The following DSE variants were observed in gnomAD, a reference collection of about 807,000 sequenced individuals.
DSE encodes the protein dermatan sulfate epimerase, also known as dermatan-sulfate epimerase.
Under a neutral mutation model 84.4 loss-of-function variants are expected in DSE, and 36 were observed. That is an observed-to-expected ratio of 0.43 (90% CI 0.33 to 0.56). The LOEUF is 0.56. Among genes scored for constraint, DSE ranks in the 20% least tolerant of loss-of-function variants. The pLI is 0.06. For synonymous variants in DSE, 410 were observed against 430.1 expected (o/e 0.95, Z 0.58); for missense variants, 862 against 1,169.6 (o/e 0.74, Z 3.84).
chr6:116,333,652 T>C (rs565041157), intron 2 of DSE, among the ~76,000 whole-genome samples: 1 of 152,184 alleles, frequency 6.6e-6, no homozygotes, highest in Non-Finnish European at 1.5e-5. Context: ...AGATTTTTAA[T>C]AAATCCATGA....
At chr6:116,258,233 C>A (rs1171480545) in intron 1 of DSE, among the ~76,000 whole-genome samples, 2 of 151,910 alleles carry the variant, frequency 1.3e-5, no homozygotes, top group Non-Finnish European at 2.9e-5. Context: ...CCAGGCTGGC[C>A]TCAAACTCCC....
At chr6:116,363,868 T>C (rs1779033042) in intron 2 of DSE, among the ~76,000 whole-genome samples, 1 of 152,220 alleles carries the variant, frequency 6.6e-6, no homozygotes, top group Non-Finnish European at 1.5e-5. Flanking sequence ...CTACATTTTT[T>C]CATAAATTGC....
At chr6:116,325,347 G>C (rs1053248007) in intron 2 of DSE, among the ~76,000 whole-genome samples, 1 of 152,166 alleles carries the variant, frequency 6.6e-6, no homozygotes, top group Non-Finnish European at 1.5e-5. Context: ...TGCACTCCAG[G>C]ATGAGTACTG....
At chr6:116,386,449 G>A (rs1331998436) in intron 1 of DSE, among the ~76,000 whole-genome samples, 3 of 152,220 alleles carry the variant, frequency 2.0e-5, no homozygotes, top group African/African-American at 7.2e-5. Flanking sequence ...TTAGCAAAGG[G>A]CAAAGGCACA....
At chr6:116,328,241 G>A (rs1042137097) in intron 2 of DSE, among the ~76,000 whole-genome samples, 1 of 152,310 alleles carries the variant, frequency 6.6e-6, no homozygotes, top group Admixed American at 6.5e-5. Context: ...ATTGTGAAAG[G>A]ATTCAATGCT....
intron 1 of DSE, among the ~76,000 whole-genome samples, chr6:116,257,877 C>CA (rs1400952115): frequency 6.6e-6 from 1 of 152,130 alleles, no homozygotes; most frequent in Non-Finnish European, 1.5e-5. Flanking sequence ...CAAAAACACT[C>CA]AGTCTATAGC....
At chr6:116,414,419 A>T (rs1450220025) in intron 2 of DSE, among the ~76,000 whole-genome samples, 2 of 150,538 alleles carry the variant, frequency 1.3e-5, no homozygotes, top group African/African-American at 2.4e-5. Flanking sequence ...GTGTTTGCTC[A>T]TTTTTTTTTT....
intron 3 of DSE, 149 bp downstream of exon 3, chr6:116,426,976 C>T (rs1287365220): frequency 1.9e-6 from 2 of 1,060,064 alleles, no homozygotes; most frequent in African/African-American, 3.2e-5. Flanking sequence ...CCTACAGTAT[C>T]ACTTAGTTAA....
At chr6:116,280,795 A>G (rs576109261) in intron 2 of DSE, among the ~76,000 whole-genome samples, 1 of 152,360 alleles carries the variant, frequency 6.6e-6, no homozygotes, top group African/African-American at 2.4e-5. Context: ...GGGGAGCCAC[A>G]TACCACCATT....
chr6:116,279,316 C>T (rs1213469093), intron 2 of DSE: 2 of 1,608,412 alleles, frequency 1.2e-6, no homozygotes, highest in South Asian at 1.1e-5. Context: ...CACCTCAGCG[C>T]TCTCCCTCTC....
intron 2 of DSE, among the ~76,000 whole-genome samples, chr6:116,289,919 A>G (rs1395302368): frequency 1.3e-5 from 2 of 152,098 alleles, no homozygotes; most frequent in African/African-American, 2.4e-5. Flanking sequence ...GAAAAATACC[A>G]TATTTCATTC....
intron 2 of DSE, among the ~76,000 whole-genome samples, chr6:116,314,874 C>T (rs1021122784): frequency 2.0e-5 from 3 of 152,158 alleles, no homozygotes; most frequent in Admixed American, 6.5e-5. Flanking sequence ...CTTATCCACG[C>T]TCTCAGGGAT....
chr6:116,405,542 T>C (rs1583183055), intron 2 of DSE, among the ~76,000 whole-genome samples: 1 of 152,316 alleles, frequency 6.6e-6, no homozygotes, highest in Admixed American at 6.5e-5. Flanking sequence ...TCTCTTTTTC[T>C]CTGTTCTTTT....
At chr6:116,396,107 A>G (rs965144487) in intron 1 of DSE, among the ~76,000 whole-genome samples, 2 of 152,100 alleles carry the variant, frequency 1.3e-5, no homozygotes, top group Non-Finnish European at 2.9e-5. Context: ...CTCCATGCTT[A>G]TTTTATTGAT....
chr6:116,331,299 C>T (rs1776920351), intron 2 of DSE, among the ~76,000 whole-genome samples: 1 of 152,148 alleles, frequency 6.6e-6, no homozygotes, highest in South Asian at 2.1e-4. Context: ...AATTGACTCA[C>T]AGTTCTGCAG....
intron 2 of DSE, chr6:116,279,997 G>T: frequency 2.0e-6 from 2 of 984,724 alleles, no homozygotes; most frequent in Non-Finnish European, 3.1e-6. Context: ...GCTGAGCCCG[G>T]GATTGGTTCC....
chr6:116,351,700 A>G (rs369788981), intron 2 of DSE, among the ~76,000 whole-genome samples: 3 of 152,230 alleles, frequency 2.0e-5, no homozygotes, highest in Non-Finnish European at 4.4e-5. Flanking sequence ...CAAAGTCCTC[A>G]GTAAGTGATT....
intron 2 of DSE, among the ~76,000 whole-genome samples, chr6:116,336,309 A>G (rs1449439876): frequency 1.3e-5 from 2 of 152,218 alleles, no homozygotes; most frequent in African/African-American, 4.8e-5. Context: ...AATGTGATAC[A>G]GTTAATTTTA....
chr6:116,310,421 C>A (rs886292790), intron 2 of DSE, among the ~76,000 whole-genome samples: 1 of 151,876 alleles, frequency 6.6e-6, no homozygotes, highest in Non-Finnish European at 1.5e-5. Flanking sequence ...CAGCCATTCA[C>A]GATAATCTCC....
Sources: allele counts gnomAD v4.1 joint callset (sites outside exome capture counted in the v4.1 genomes callset), GRCh38; gene constraint gnomAD v4.1.1; transcripts MANE v1.5; gene names NCBI Gene and HGNC (gene_info 2026-07-23, HGNC 2026-07-21).